AFG2A: variants seen among roughly 807,000 people sequenced by gnomAD.
AFG2A encodes the protein AAA ATPase AFG2A, also known as ATPase family gene 2 protein homolog A.
the AFG2A span, among the ~76,000 whole-genome samples, chr4:123,227,319 A>G: frequency 6.6e-6 from 1 of 151,908 alleles, no homozygotes; most frequent in Non-Finnish European, 1.5e-5. Context: ...TCAATTTTAG[A>G]TCTTTCCTGC....
At chr4:123,109,039 T>C in the AFG2A span, among the ~76,000 whole-genome samples, 1 of 152,194 alleles carries the variant, frequency 6.6e-6, no homozygotes. Context: ...GAATTCAGTC[T>C]TTGATGATTG....
chr4:123,121,784 T>C, the AFG2A span, among the ~76,000 whole-genome samples: 1 of 152,222 alleles, frequency 6.6e-6, no homozygotes, highest in African/African-American at 2.4e-5. Flanking sequence ...GACACATGAC[T>C]GTATTTTGTT....
the AFG2A span, among the ~76,000 whole-genome samples, chr4:123,308,166 A>T: frequency 6.6e-6 from 1 of 152,250 alleles, no homozygotes; most frequent in Non-Finnish European, 1.5e-5. Context: ...TAACAAAAGC[A>T]TAGCTGTATT....
the AFG2A span, among the ~76,000 whole-genome samples, chr4:123,233,110 C>T: frequency 6.6e-6 from 1 of 151,978 alleles, no homozygotes; most frequent in South Asian, 2.1e-4. Flanking sequence ...AATTTTAATG[C>T]CTAAAGCAGT....
At chr4:123,143,375 G>A in the AFG2A span, among the ~76,000 whole-genome samples, 1 of 152,002 alleles carries the variant, frequency 6.6e-6, no homozygotes, top group Admixed American at 6.6e-5. Context: ...TCTTTTGGGA[G>A]ACCTATCAAC....
At chr4:122,942,146 A>G in the AFG2A span, among the ~76,000 whole-genome samples, 4 of 151,202 alleles carry the variant, frequency 2.6e-5, no homozygotes, top group African/African-American at 9.8e-5. Context: ...TGCTGGCCTC[A>G]TAAAATGAGT....
At chr4:123,221,469 G>A in the AFG2A span, among the ~76,000 whole-genome samples, 1 of 151,988 alleles carries the variant, frequency 6.6e-6, no homozygotes, top group Non-Finnish European at 1.5e-5. Flanking sequence ...GGCCTGAGAT[G>A]TCTTTTATAC....
chr4:122,982,833 C>T, the AFG2A span, among the ~76,000 whole-genome samples: 8 of 143,282 alleles, frequency 5.6e-5, no homozygotes, highest in African/African-American at 2.0e-4. Flanking sequence ...TCTCCTGTTT[C>T]ATTTCTCAGT....
At chr4:122,978,806 C>G in the AFG2A span, among the ~76,000 whole-genome samples, 4 of 152,208 alleles carry the variant, frequency 2.6e-5, no homozygotes, top group African/African-American at 9.7e-5. Flanking sequence ...ACATGAACAC[C>G]TAGGTGGGTC....
the AFG2A span, among the ~76,000 whole-genome samples, chr4:122,937,705 C>T: frequency 6.6e-6 from 1 of 152,154 alleles, no homozygotes; most frequent in African/African-American, 2.4e-5. Context: ...AATTGATCAT[C>T]TTGCAAGTTT....
the AFG2A span, among the ~76,000 whole-genome samples, chr4:123,080,037 C>T: frequency 6.6e-6 from 1 of 152,252 alleles, no homozygotes; most frequent in East Asian, 1.9e-4. Flanking sequence ...GCATGAGCCA[C>T]CGCACCTGGC....
chr4:123,060,521 C>G, the AFG2A span, among the ~76,000 whole-genome samples: 1 of 152,196 alleles, frequency 6.6e-6, no homozygotes, highest in Non-Finnish European at 1.5e-5. Context: ...GGGCTTGCAC[C>G]GTCTGAAGCC....
the AFG2A span, among the ~76,000 whole-genome samples, chr4:122,924,119 G>C: frequency 6.6e-6 from 1 of 152,116 alleles, no homozygotes; most frequent in Non-Finnish European, 1.5e-5. Flanking sequence ...GAGTTCACAT[G>C]GTATTTTCAC....
the AFG2A span, among the ~76,000 whole-genome samples, chr4:123,111,373 A>C: frequency 6.6e-6 from 1 of 152,198 alleles, no homozygotes; most frequent in East Asian, 1.9e-4. Flanking sequence ...AATGATGAAC[A>C]TGATTCATTA....
At chr4:123,096,080 T>C in the AFG2A span, among the ~76,000 whole-genome samples, 3 of 152,146 alleles carry the variant, frequency 2.0e-5, no homozygotes, top group Admixed American at 6.6e-5. Context: ...TTTTACTCCT[T>C]GCTATGTCAC....
chr4:123,170,397 G>A, the AFG2A span, among the ~76,000 whole-genome samples: 1 of 152,148 alleles, frequency 6.6e-6, no homozygotes, highest in Non-Finnish European at 1.5e-5. Flanking sequence ...GTCATTGCCT[G>A]CATATAAGAA....
chr4:123,251,519 A>G, the AFG2A span, among the ~76,000 whole-genome samples: 1 of 152,108 alleles, frequency 6.6e-6, no homozygotes, highest in African/African-American at 2.4e-5. Flanking sequence ...CTTGGGCCTC[A>G]TTTTCTTTGT....
At chr4:122,965,035 T>C in the AFG2A span, among the ~76,000 whole-genome samples, 3 of 152,212 alleles carry the variant, frequency 2.0e-5, no homozygotes, top group Admixed American at 6.5e-5. Context: ...ATTTTTGTTA[T>C]ACTTGCTTTG....
chr4:123,183,770 G>GT, the AFG2A span, among the ~76,000 whole-genome samples: 2 of 152,118 alleles, frequency 1.3e-5, no homozygotes, highest in African/African-American at 2.4e-5. Flanking sequence ...TGTTAGTTTT[G>GT]TTTTTTTGAG....
Sources: allele counts gnomAD v4.1 joint callset (sites outside exome capture counted in the v4.1 genomes callset), GRCh38; gene constraint gnomAD v4.1.1; transcripts MANE v1.5; gene names NCBI Gene and HGNC (gene_info 2026-07-23, HGNC 2026-07-21).